Variants in RGS9 observed in about 807,000 individuals in gnomAD.
RGS9 encodes the protein regulator of G-protein signalling 9.
Under a neutral mutation model 102.0 loss-of-function variants are expected in RGS9, and 78 were observed. The observed-to-expected ratio is 0.76, with a 90% confidence interval of 0.64 to 0.92. The LOEUF is 0.92. Among genes scored for constraint, RGS9 ranks in the 40% least tolerant of loss-of-function variants. The pLI is 0.00. For missense variants in RGS9, 833 were observed against 866.1 expected, an observed-to-expected ratio of 0.96 and a Z score of 0.48; for synonymous variants, 353 against 318.6, an observed-to-expected ratio of 1.11 and a Z score of -1.15.
At chr17:65,178,067 T>C (rs974719238) in intron 9 of RGS9, among the ~76,000 whole-genome samples, 3 of 152,116 alleles carry the variant, frequency 2.0e-5, no homozygotes, top group African/African-American at 7.2e-5. Context: ...ATGGCTGGTT[T>C]TCAAACTTTT....
chr17:65,141,082 T>C (rs1910140589), intron 1 of RGS9, among the ~76,000 whole-genome samples: 1 of 152,238 alleles, frequency 6.6e-6, no homozygotes, highest in Admixed American at 6.5e-5. Context: ...CTCACACCCA[T>C]GCCTCCATCT....
At chr17:65,222,714 G>A (rs551304625) in intron 17 of RGS9, among the ~76,000 whole-genome samples, 1 of 152,312 alleles carries the variant, frequency 6.6e-6, no homozygotes, top group Non-Finnish European at 1.5e-5. Flanking sequence ...AAGTAGAGTT[G>A]CACCTCCCTA....
intron 2 of RGS9, among the ~76,000 whole-genome samples, chr17:65,156,127 G>A (rs916670887): frequency 5.3e-5 from 8 of 152,170 alleles, no homozygotes; most frequent in Admixed American, 1.3e-4. Flanking sequence ...GGGTTCAAGC[G>A]ATTCTCATGC....
At chr17:65,157,553 T>A (rs1393343577) in intron 2 of RGS9, among the ~76,000 whole-genome samples, 2 of 152,066 alleles carry the variant, frequency 1.3e-5, no homozygotes, top group Non-Finnish European at 2.9e-5. Context: ...CCTCTCCTGC[T>A]GTTTTTCATG....
chr17:65,204,203 G>T lies in RGS9; in HGVS notation c.1105G>T (p.Asp369Tyr). 5.0e-6 allele frequency: 8 copies of T among 1,613,156 alleles called. No homozygotes were observed. Among genetic ancestry groups the T allele is most frequent in the Non-Finnish European group, 6.8e-6 (8 of 1,180,024 alleles). The change falls in exon 15 of 19, where the codon GAT becomes TAT. Residue 369 changes from aspartate (D) to tyrosine (Y), a missense_variant. Asp to Tyr is a radical substitution (Grantham distance 160). Transcript: ENST00000262406. ...APGARRWINIDGKTMDITVKG... is the reference protein window; with the variant it reads ...APGARRWINIYGKTMDITVKG... ...GGGGGCGAGGCGCTGGATCAACATA[G>T]ATGGCAAAACCATGGACATCACAGT... is the stretch of plus-strand genomic sequence containing the variant.
chr17:65,200,187 A>G (rs1912774470), intron 13 of RGS9, among the ~76,000 whole-genome samples: 1 of 152,026 alleles, frequency 6.6e-6, no homozygotes, highest in Non-Finnish European at 1.5e-5. Flanking sequence ...GCCCGCCACC[A>G]CGGCCGGCTA....
chr17:65,171,055 C>A (rs1392583631), intron 8 of RGS9, among the ~76,000 whole-genome samples: 1 of 152,212 alleles, frequency 6.6e-6, no homozygotes, highest in African/African-American at 2.4e-5. Context: ...AAAAAGCCAG[C>A]CAAGGCAAAC....
chr17:65,185,734 A>G (rs1912085591), intron 9 of RGS9, among the ~76,000 whole-genome samples: 1 of 152,226 alleles, frequency 6.6e-6, no homozygotes, highest in South Asian at 2.1e-4. Flanking sequence ...GCAGAGCCCT[A>G]GGGAGATAAT....
chr17:65,211,777 C>G (rs923934376), intron 17 of RGS9, among the ~76,000 whole-genome samples: 22 of 152,356 alleles, frequency 1.4e-4, no homozygotes, highest in African/African-American at 5.3e-4. Flanking sequence ...GTGCAAACAT[C>G]GGTGAATAAA....
intron 17 of RGS9, among the ~76,000 whole-genome samples, chr17:65,214,315 T>C (rs1913411878): frequency 6.6e-6 from 1 of 152,212 alleles, no homozygotes; most frequent in Non-Finnish European, 1.5e-5. Flanking sequence ...GTGAGTGCTA[T>C]GGTGGATACA....
At chr17:65,177,547 T>G (rs541331647) in intron 8 of RGS9, among the ~76,000 whole-genome samples, 185 bp from the exon 9 acceptor site, 2 of 152,274 alleles carry the variant, frequency 1.3e-5, no homozygotes, top group African/African-American at 4.8e-5. Flanking sequence ...CTGGGAGGCA[T>G]AACAGCCCTC....
chr17:65,160,627 A>T, intron 5 of RGS9, 40 bp downstream of exon 5: 1 of 1,602,132 alleles, frequency 6.2e-7, no homozygotes, highest in Non-Finnish European at 8.6e-7. Flanking sequence ...GGTAGTGCTT[A>T]ACATGCTGCT....
At chr17:65,197,372 C>T (rs1333033066) in intron 13 of RGS9, 131 bp downstream of exon 13, 2 of 701,552 alleles carry the variant, frequency 2.9e-6, no homozygotes, top group East Asian at 5.5e-5. Flanking sequence ...TAAACAGTTG[C>T]TTCCTTTCAC....
Position 65,225,324 on chromosome 17 carries a change from G to T in RGS9, c.1730G>T (p.Arg577Leu), listed in dbSNP as rs866147892. Residue 577 changes from arginine to leucine, a missense_variant, in exon 18 of 19, where the codon CGC becomes CTC. Around this residue, in one of 3 missense-constraint regions of RGS9, gnomAD observed 320 missense variants for 276.8 expected, o/e 1.16. Coordinates refer to ENST00000262406, the MANE Select transcript of RGS9 (RefSeq NM_003835.4). The part of the protein sequence containing the change: ...RSRPRAPPKA[R>L]MALSFSRFLR... ...CGGCCCAGGGCCCCTCCTAAGGCCC[G>T]CATGGCTCTGTCCTTCAGCAGGTTT... is the stretch of plus-strand genomic sequence containing the variant. 1.9e-6 allele frequency: 3 copies of T among 1,610,586 alleles called. No homozygotes were observed. The highest frequency in any genetic ancestry group is 1.7e-6 in the Non-Finnish European group (2 of 1,180,014).
chr17:65,159,818 G>A (rs1020916549), intron 3 of RGS9, among the ~76,000 whole-genome samples: 3 of 152,164 alleles, frequency 2.0e-5, no homozygotes, highest in Non-Finnish European at 4.4e-5. Flanking sequence ...GATGCTCCTT[G>A]CTCATTCTTG....
intron 17 of RGS9, among the ~76,000 whole-genome samples, chr17:65,215,472 T>C (rs1346697216): frequency 6.9e-6 from 1 of 144,256 alleles, no homozygotes; most frequent in African/African-American, 2.8e-5. Flanking sequence ...CTTTCTTTCT[T>C]TCTCTATCTT....
chr17:65,161,015 A>T, intron 6 of RGS9, 106 bp downstream of exon 6: 3 of 914,822 alleles, frequency 3.3e-6, no homozygotes, highest in South Asian at 1.3e-5. Flanking sequence ...GCCCACATTC[A>T]TATGCAATCC....
At chr17:65,142,895 G>A (rs114026155) in intron 1 of RGS9, among the ~76,000 whole-genome samples, 1 of 151,492 alleles carries the variant, frequency 6.6e-6, no homozygotes, top group Non-Finnish European at 1.5e-5. Context: ...TTTTCTTTTT[G>A]TTTCTTTCTT....
chr17:65,188,665 T>A (rs1053199775), intron 9 of RGS9: 4 of 155,090 alleles, frequency 2.6e-5, no homozygotes, highest in African/African-American at 9.6e-5. Flanking sequence ...CAGGCTAGAA[T>A]GCAGTGGCAT....
Sources: allele counts gnomAD v4.1 joint callset (sites outside exome capture counted in the v4.1 genomes callset), GRCh38; gene constraint gnomAD v4.1.1; regional missense constraint gnomAD v4.1.1; transcripts MANE v1.5; gene names NCBI Gene and HGNC (gene_info 2026-07-23, HGNC 2026-07-21).